Variants in ST6GALNAC3 observed in about 807,000 individuals in gnomAD.
The protein encoded by ST6GALNAC3 is ST6 N-acetylgalactosaminide alpha-2,6-sialyltransferase 3, also known as alpha-N-acetylgalactosaminide alpha-2,6-sialyltransferase 3.
A neutral mutation model predicts 32.7 loss-of-function variants in ST6GALNAC3; 25 were observed. That is an observed-to-expected ratio of 0.76 (90% CI 0.56 to 1.07). The LOEUF (loss-of-function observed/expected upper bound fraction) is 1.07. ST6GALNAC3 is among the 50% of genes least tolerant of loss of function. ST6GALNAC3 has a pLI of 0.00. For missense variants in ST6GALNAC3, 355 were observed against 382.4 expected, an observed-to-expected ratio of 0.93 and a Z score of 0.60; for synonymous variants, 129 against 133.1, an observed-to-expected ratio of 0.97 and a Z score of 0.21.
At chr1:76,583,711 T>C (rs761768569) in intron 3 of ST6GALNAC3, among the ~76,000 whole-genome samples, 25 of 152,208 alleles carry the variant, frequency 1.6e-4, no homozygotes, top group Non-Finnish European at 3.1e-4. Context: ...GTGATGCAGA[T>C]ATACTAGCTA....
At chr1:76,495,237 T>C (rs61771555) in intron 3 of ST6GALNAC3, among the ~76,000 whole-genome samples, 18,223 of 152,204 alleles carry the variant, frequency 0.12, 2,368 homozygotes, top group African/African-American at 0.33. Context: ...ACTGTGTGTA[T>C]GCCAGGTACT....
At chr1:76,139,710 A>G (rs1270983071) in intron 1 of ST6GALNAC3, among the ~76,000 whole-genome samples, 1 of 152,204 alleles carries the variant, frequency 6.6e-6, no homozygotes, top group African/African-American at 2.4e-5. Flanking sequence ...TTAGCGAAAC[A>G]AGCACTCAGC....
At chr1:76,505,672 C>T (rs1454979063) in intron 3 of ST6GALNAC3, among the ~76,000 whole-genome samples, 2 of 152,150 alleles carry the variant, frequency 1.3e-5, no homozygotes, top group African/African-American at 4.8e-5. Context: ...CCTGGAGAAG[C>T]AGATCTAGTC....
chr1:76,455,237 A>C lies in ST6GALNAC3; in HGVS notation c.623+42820A>C, dbSNP rs575388557. On this transcript the variant is annotated intron_variant, in intron 3 of 4. Coordinates refer to ENST00000328299, the MANE Select transcript of ST6GALNAC3 (RefSeq NM_152996.4). ...TTTCTGTTTTCTGCATATATTATGC[A>C]TGCATTTTTTTTCTATTTCCTTGTT... Among the ~76,000 whole-genome samples the C allele has an allele frequency of 4.6e-5, 7 of 152,054 alleles. No individual in the cohort carries two copies. The East Asian group carries it at 1.4e-3, about 29-fold the overall frequency.
chr1:76,617,700 A>T (rs367782234), intron 3 of ST6GALNAC3, among the ~76,000 whole-genome samples: 1 of 152,198 alleles, frequency 6.6e-6, no homozygotes, highest in African/African-American at 2.4e-5. Context: ...AATAGACTCA[A>T]TTGTGTTAAA....
In ST6GALNAC3 at chr1:76,181,061, C is replaced by G. The variant is rs144354632; in HGVS notation, c.18+106177C>G. 7.6e-4 allele frequency among the ~76,000 whole-genome samples: 116 copies of G among 152,328 alleles called. 1 individual carries two copies. The East Asian group carries it at 0.02, about 26-fold the overall frequency. ...CTCCGGGAGTCACAGGCTCCCATCC[C>G]TGGACGCTGCTGTGGGGCCAGAGCC... is the stretch of plus-strand genomic sequence containing the variant. On this transcript the variant is annotated intron_variant, in intron 1 of 4. Coordinates refer to ENST00000328299, the MANE Select transcript of ST6GALNAC3 (RefSeq NM_152996.4).
At chr1:76,125,807 T>C (rs928923899) in intron 1 of ST6GALNAC3, among the ~76,000 whole-genome samples, 4 of 152,230 alleles carry the variant, frequency 2.6e-5, no homozygotes, top group African/African-American at 4.8e-5. Flanking sequence ...TCCTTCATCC[T>C]GATGCATTTT....
At chr1:76,539,984 G>T (rs886826300) in intron 3 of ST6GALNAC3, among the ~76,000 whole-genome samples, 1 of 152,122 alleles carries the variant, frequency 6.6e-6, no homozygotes, top group African/African-American at 2.4e-5. Context: ...AATACCATTT[G>T]ACCTAACAAT....
At chr1:76,159,459 C>T (rs149977456) in intron 1 of ST6GALNAC3, among the ~76,000 whole-genome samples, 6 of 152,324 alleles carry the variant, frequency 3.9e-5, no homozygotes, top group African/African-American at 1.2e-4. Context: ...GCTGTTGTTA[C>T]AGGCATGAGC....
At chr1:76,585,155 C>T (rs1485789393) in intron 3 of ST6GALNAC3, among the ~76,000 whole-genome samples, 3 of 152,092 alleles carry the variant, frequency 2.0e-5, no homozygotes, top group African/African-American at 7.2e-5. Flanking sequence ...GAGGCCGAGG[C>T]AGGCGGATCA....
chr1:76,347,854 G>C (rs887784402), intron 2 of ST6GALNAC3, among the ~76,000 whole-genome samples: 2 of 152,134 alleles, frequency 1.3e-5, no homozygotes, highest in Admixed American at 6.6e-5. Context: ...ATTTTGAGGA[G>C]TAAATGCAAT....
At chr1:76,323,383 A>AT (rs1308999996) in intron 2 of ST6GALNAC3, among the ~76,000 whole-genome samples, 2 of 152,208 alleles carry the variant, frequency 1.3e-5, no homozygotes, top group Non-Finnish European at 2.9e-5. Context: ...TACAGAGTAC[A>AT]TACTATTTTA....
At position 76,315,382 on chromosome 1, in the gene ST6GALNAC3, G is replaced by A. The variant is rs566676967; in HGVS notation, c.213+1383G>A. On this transcript the variant is annotated intron_variant, in intron 2 of 4. Coordinates refer to ENST00000328299, the MANE Select transcript of ST6GALNAC3 (RefSeq NM_152996.4). ...ACATGTGACTAAAATGTCTCACGAA[G>A]TATTCTCATATGGGAAATCCCGTCA... Among the ~76,000 whole-genome samples, 4 of 152,150 alleles carry A rather than the reference G, an allele frequency of 2.6e-5. No homozygotes were observed. In the South Asian group the frequency reaches 8.3e-4, roughly 32 times the overall value.
chr1:76,138,121 C>T (rs1191517772), intron 1 of ST6GALNAC3, among the ~76,000 whole-genome samples: 1 of 152,190 alleles, frequency 6.6e-6, no homozygotes, highest in Non-Finnish European at 1.5e-5. Flanking sequence ...TCTCAAAGAC[C>T]TAACAGTCTA....
chr1:76,242,478 T>C (rs189847543), intron 1 of ST6GALNAC3, among the ~76,000 whole-genome samples: 7 of 152,226 alleles, frequency 4.6e-5, no homozygotes, highest in African/African-American at 1.7e-4. Context: ...GGGATACATG[T>C]GTAGAATGTG....
chr1:76,080,431 T>C (rs1421245370), intron 1 of ST6GALNAC3, among the ~76,000 whole-genome samples: 1 of 152,154 alleles, frequency 6.6e-6, no homozygotes, highest in Non-Finnish European at 1.5e-5. Flanking sequence ...GTTTGCTCCT[T>C]AAATTTTTTC....
At chr1:76,202,783 T>G (rs1654607392) in intron 1 of ST6GALNAC3, among the ~76,000 whole-genome samples, 1 of 152,172 alleles carries the variant, frequency 6.6e-6, no homozygotes, top group African/African-American at 2.4e-5. Flanking sequence ...CTCAGAGCAT[T>G]GTATTTTCAA....
chr1:76,535,526 G>T (rs1357334075), intron 3 of ST6GALNAC3, among the ~76,000 whole-genome samples: 1 of 152,114 alleles, frequency 6.6e-6, no homozygotes, highest in Non-Finnish European at 1.5e-5. Context: ...TCAGTTAGCA[G>T]CCAAGAATGA....
chr1:76,361,119 G>A (rs1220675420), intron 2 of ST6GALNAC3, among the ~76,000 whole-genome samples: 1 of 151,864 alleles, frequency 6.6e-6, no homozygotes, highest in Non-Finnish European at 1.5e-5. Context: ...ATTCTTAAGT[G>A]TACAGTTCAG....
Sources: allele counts gnomAD v4.1 joint callset (sites outside exome capture counted in the v4.1 genomes callset), GRCh38; gene constraint gnomAD v4.1.1; transcripts MANE v1.5; gene names NCBI Gene and HGNC (gene_info 2026-07-23, HGNC 2026-07-21).